The following FKBP14 variants were observed in gnomAD, a reference collection of about 807,000 sequenced individuals.
FKBP14 encodes peptidyl-prolyl cis-trans isomerase FKBP14.
Under a neutral mutation model 21.6 loss-of-function variants are expected in FKBP14, and 20 were observed. The ratio of observed to expected loss-of-function variants is 0.92; its 90% CI spans 0.65 to 1.34. The LOEUF is 1.34. Ranked by LOEUF, FKBP14 falls within the 40% of genes most tolerant of loss-of-function variation. The probability of loss-of-function intolerance (pLI) is 0.00; values close to 1 mark genes in which losing one functional copy is unlikely to be tolerated. For missense variants in FKBP14, 253 were observed against 249.0 expected, an observed-to-expected ratio of 1.02 and a Z score of -0.11; for synonymous variants, 79 against 86.7, an observed-to-expected ratio of 0.91 and a Z score of 0.49.
chr7:30,017,402 C>A (rs1789917128), intron 3 of FKBP14, among the ~76,000 whole-genome samples: 1 of 152,028 alleles, frequency 6.6e-6, no homozygotes, highest in Non-Finnish European at 1.5e-5. Context: ...AACCCTGTCT[C>A]TATTAAAAAT....
At chr7:30,019,467 C>T (rs1789975007) in intron 2 of FKBP14, among the ~76,000 whole-genome samples, 1 of 151,890 alleles carries the variant, frequency 6.6e-6, no homozygotes, top group Non-Finnish European at 1.5e-5. Context: ...TCAAGAAGGA[C>T]TTGAAGGGTT....
intron 1 of FKBP14, among the ~76,000 whole-genome samples, chr7:30,023,224 C>G: frequency 6.6e-6 from 1 of 152,320 alleles, no homozygotes; most frequent in Middle Eastern, 3.4e-3. Context: ...TTAAACCTAA[C>G]TCCAAAGTTC....
chr7:30,022,630 G>A, intron 2 of FKBP14, 35 bp downstream of exon 2: 1 of 1,592,846 alleles, frequency 6.3e-7, no homozygotes, highest in Non-Finnish European at 8.5e-7. Context: ...AACAACTCTA[G>A]TGCTATAGTA....
At position 30,011,658 on chromosome 7, in the gene FKBP14, A is replaced by T. The variant is rs1789743082; in HGVS notation, c.*3077T>A. ...CACTCTGTCACCCAGGCTGGAGTGC[A>T]GTGGTATGATCATGGCTCACTGCAG... On this transcript the variant is annotated 3_prime_UTR_variant, in exon 4 of 4. Coordinates refer to ENST00000222803, the MANE Select transcript of FKBP14 (RefSeq NM_017946.4). 6.8e-6 allele frequency: 1 copy of T among 146,994 alleles called. No homozygotes were observed. The highest frequency in any genetic ancestry group is 2.0e-4 in the East Asian group (1 of 5,022). The allele number at this position is 146,994 out of a possible 1,614,324, so 9.1% of individuals were successfully genotyped here.
chr7:30,026,627 C>G lies in FKBP14; in HGVS notation c.-119G>C. On this transcript the variant is annotated 5_prime_UTR_variant, in exon 1 of 4. Coordinates refer to ENST00000222803, the MANE Select transcript of FKBP14 (RefSeq NM_017946.4). ...GGCTTCAGACAAGTTCAGGACTCCC[C>G]CTTCTTAGAAGACGTGGCACATTTA... The G allele has an allele frequency of 2.4e-6, 2 of 844,386 alleles. No individual in the cohort carries two copies. The highest frequency in any genetic ancestry group is 3.5e-6 in the Non-Finnish European group (2 of 564,360). The allele number at this position is 844,386 out of a possible 1,614,324, so 52.3% of individuals were successfully genotyped here.
chr7:30,016,457 G>T lies in FKBP14; in HGVS notation c.478-1564C>A, dbSNP rs376306943. On this transcript the variant is annotated intron_variant, in intron 3 of 3. Transcript: ENST00000222803. Reference sequence around the variant, plus strand: ...CACGCAGGCTGGAGTATAGTGGCACGATCTCGGCCCACTACAACTTCCAAC... The same window carrying T: ...CACGCAGGCTGGAGTATAGTGGCACTATCTCGGCCCACTACAACTTCCAAC... 2.0e-5 allele frequency among the ~76,000 whole-genome samples: 3 copies of T among 151,712 alleles called. No homozygotes were observed. In the South Asian group the frequency reaches 6.3e-4, roughly 32 times the overall value.
chr7:30,021,436 A>AT (rs905044842), intron 2 of FKBP14, among the ~76,000 whole-genome samples: 3 of 152,090 alleles, frequency 2.0e-5, no homozygotes, highest in Admixed American at 6.6e-5. Flanking sequence ...GACAGTTCCA[A>AT]TTTTTTGCTT....
At chr7:30,018,047 A>G (rs1189572544) in intron 3 of FKBP14, among the ~76,000 whole-genome samples, 3 of 145,480 alleles carry the variant, frequency 2.1e-5, no homozygotes, top group Non-Finnish European at 4.5e-5. Flanking sequence ...ATAAATAAAT[A>G]GATTTTTGTT....
Position 30,014,888 on chromosome 7 carries a change from T to A in FKBP14, c.483A>T (p.Lys161Asn). ...DDWKLSKDEV[K>N]AYLKKEFEKH... ...TTTCAAACTCCTTCTTTAAATATGC[T>A]TTAACCTACAAAATAACAGATCCCA... Residue 161 changes from lysine to asparagine, a missense_variant, in exon 4 of 4, where the codon AAA (lysine) becomes AAT (asparagine). Transcript: ENST00000222803. The A allele has an allele frequency of 6.3e-7, 1 of 1,579,740 alleles. No individual in the cohort carries two copies. The highest frequency in any genetic ancestry group is 2.3e-5 in the East Asian group (1 of 44,194).
At position 30,019,001 on chromosome 7, in the gene FKBP14, C is replaced by G; in HGVS notation, c.472G>C (p.Asp158His). The change falls in exon 3 of 4, where the codon GAT becomes CAT. Residue 158 changes from aspartate (D) to histidine (H), a missense_variant. Physicochemically the swap from Asp to His is moderately conservative, Grantham distance 81. Coordinates refer to ENST00000222803, the MANE Select transcript of FKBP14 (RefSeq NM_017946.4). ...DLNDDWKLSK[D>H]EVKAYLKKEF... ...TAGGAAGAAGGAAAGGTCACCTCAT[C>G]TTTAGAGAGTTTCCAGTCATCATTA... 6.2e-7 allele frequency: 1 copy of G among 1,609,110 alleles called. No individual in the cohort carries two copies. The highest frequency in any genetic ancestry group is 8.5e-7 in the Non-Finnish European group (1 of 1,178,436).
downstream of FKBP14, among the ~76,000 whole-genome samples, chr7:30,007,774 C>T (rs570579104): frequency 2.0e-5 from 3 of 152,258 alleles, no homozygotes; most frequent in Non-Finnish European, 2.9e-5. Flanking sequence ...TCAGGCCCAG[C>T]GTGATGGCTC....
downstream of FKBP14, among the ~76,000 whole-genome samples, chr7:30,009,914 G>A (rs1055296010): frequency 6.6e-6 from 1 of 151,852 alleles, no homozygotes; most frequent in Non-Finnish European, 1.5e-5. Context: ...CAGGAGAATC[G>A]CTTGAACCTG....
At chr7:30,007,182 AAG>A (rs1583718432), downstream of FKBP14, among the ~76,000 whole-genome samples, 5 of 151,522 alleles carry the variant, frequency 3.3e-5, no homozygotes, top group South Asian at 1.0e-3. Context: ...AATTAAAAAA[AAG>A]AATTCAGTCA....
intron 3 of FKBP14, among the ~76,000 whole-genome samples, chr7:30,015,443 AATAT>A (rs141026872): frequency 6.8e-6 from 1 of 147,542 alleles, no homozygotes; most frequent in African/African-American, 2.5e-5. Flanking sequence ...AAAAATTAAA[AATAT>A]ATATATATAT....
chr7:30,006,533 G>T (rs527860388), downstream of FKBP14, among the ~76,000 whole-genome samples: 1 of 152,106 alleles, frequency 6.6e-6, no homozygotes, highest in African/African-American at 2.4e-5. Context: ...TAATTTTAGG[G>T]AAGTTCAGTG....
chr7:30,017,689 G>A (rs1259958025), intron 3 of FKBP14, among the ~76,000 whole-genome samples: 1 of 152,092 alleles, frequency 6.6e-6, no homozygotes, highest in Admixed American at 6.6e-5. Flanking sequence ...GATTACAAGT[G>A]TGAGCCACCT....
At chr7:30,022,172 C>T (rs1257097233) in intron 2 of FKBP14, among the ~76,000 whole-genome samples, 1 of 152,164 alleles carries the variant, frequency 6.6e-6, no homozygotes, top group East Asian at 1.9e-4. Context: ...GCATTCAATA[C>T]TTTAATAATC....
At position 30,026,623 on chromosome 7, in the gene FKBP14, T is replaced by G; in HGVS notation, c.-115A>C. 1 of 865,652 alleles carries G rather than the reference T, an allele frequency of 1.2e-6. No individual in the cohort carries two copies. Among genetic ancestry groups the G allele is most frequent in the East Asian group, 2.7e-5 (1 of 37,346 alleles). The allele number at this position is 865,652 out of a possible 1,614,324, so 53.6% of individuals were successfully genotyped here. A position where few individuals can be genotyped will look rare whatever the true frequency, so the allele number is the denominator to read the frequency against. On this transcript the variant is annotated 5_prime_UTR_variant, in exon 1 of 4. Transcript: ENST00000222803. ...CAAGGGCTTCAGACAAGTTCAGGAC[T>G]CCCCCTTCTTAGAAGACGTGGCACA...
chr7:30,026,083 A>T (rs942209762), intron 1 of FKBP14, among the ~76,000 whole-genome samples: 2 of 152,226 alleles, frequency 1.3e-5, no homozygotes, highest in African/African-American at 2.4e-5. Flanking sequence ...TGTATAATAA[A>T]AAAAATTAAC....
Sources: allele counts gnomAD v4.1 joint callset (sites outside exome capture counted in the v4.1 genomes callset), GRCh38; gene constraint gnomAD v4.1.1; transcripts MANE v1.5; gene names NCBI Gene and HGNC (gene_info 2026-07-23, HGNC 2026-07-21).